The following GPC6 variants were observed in gnomAD, a reference collection of about 807,000 sequenced individuals.
The protein encoded by GPC6 is glypican-6.
Under a neutral mutation model 55.2 loss-of-function variants are expected in GPC6, and 14 were observed. The ratio of observed to expected loss-of-function variants is 0.25; its 90% CI spans 0.17 to 0.40. GPC6 has a LOEUF of 0.40. Among genes scored for constraint, GPC6 ranks in the 10% least tolerant of loss-of-function variants. GPC6 has a pLI of 1.00. For synonymous variants in GPC6, 278 were observed against 259.6 expected (o/e 1.07, Z -0.68); for missense variants, 641 against 708.5 (o/e 0.90, Z 1.08).
intron 4 of GPC6, among the ~76,000 whole-genome samples, chr13:94,155,489 C>T (rs1887900420): frequency 6.6e-6 from 1 of 152,110 alleles, no homozygotes; most frequent in Non-Finnish European, 1.5e-5. Context: ...CTTGCCTTCT[C>T]CTAAAATCGA....
chr13:94,054,802 T>TGTCA (rs1455562605), intron 4 of GPC6, among the ~76,000 whole-genome samples: 2 of 152,152 alleles, frequency 1.3e-5, no homozygotes, highest in African/African-American at 2.4e-5. Context: ...TATATTAATC[T>TGTCA]GTCAGTGTAA....
At chr13:94,278,746 T>C (rs1413959580) in intron 4 of GPC6, among the ~76,000 whole-genome samples, 1 of 152,180 alleles carries the variant, frequency 6.6e-6, no homozygotes, top group Non-Finnish European at 1.5e-5. Flanking sequence ...ATATATTGAT[T>C]TGTATATGTT....
chr13:93,484,515 C>T (rs1049223078), intron 1 of GPC6, among the ~76,000 whole-genome samples: 7 of 151,992 alleles, frequency 4.6e-5, no homozygotes, highest in African/African-American at 1.7e-4. Flanking sequence ...ATAATATATC[C>T]TTAAGTTTTT....
chr13:94,372,017 A>C (rs1879566873), intron 6 of GPC6, among the ~76,000 whole-genome samples: 1 of 152,132 alleles, frequency 6.6e-6, no homozygotes, highest in Non-Finnish European at 1.5e-5. Context: ...CTCCAAATCC[A>C]GGAGTCAGTT....
rs201331720 is a variant in GPC6 at position 93,789,509 on chromosome 13, C to CTATA, written c.320-40622_320-40619dup. Reference sequence around the variant, plus strand: ...TCTCTCTCTCTCTCTCTCTCTCTCTCTATATATATATATATATATATATAT... The same window carrying CTATA: ...TCTCTCTCTCTCTCTCTCTCTCTCTCTATATATATATATATATATATATATATAT... On this transcript the variant is annotated intron_variant, in intron 2 of 8. Transcript: ENST00000377047. Among the ~76,000 whole-genome samples the CTATA allele has an allele frequency of 2.3e-3, 212 of 93,440 alleles. 2 individuals carry two copies. Among genetic ancestry groups the CTATA allele is most frequent in the East Asian group, 0.013 (42 of 3,160 alleles). 61.3% of individuals were successfully genotyped at this position (93,440 alleles called of 152,430 possible).
intron 1 of GPC6, among the ~76,000 whole-genome samples, chr13:93,424,617 ATCATCATCATCT>A (rs1877052683): frequency 6.6e-6 from 1 of 152,010 alleles, no homozygotes; most frequent in African/African-American, 2.4e-5. Context: ...TATCATCATC[ATCATCATCATCT>A]TCATCATCAT....
At chr13:93,697,799 C>T (rs983839434) in intron 2 of GPC6, among the ~76,000 whole-genome samples, 1 of 152,136 alleles carries the variant, frequency 6.6e-6, no homozygotes, top group Non-Finnish European at 1.5e-5. Context: ...CTGTGCCATT[C>T]AAAAGAGAAT....
intron 3 of GPC6, among the ~76,000 whole-genome samples, chr13:93,869,230 A>C (rs1048124967): frequency 3.3e-5 from 5 of 151,862 alleles, no homozygotes; most frequent in African/African-American, 9.7e-5. Context: ...TAACTTCAAA[A>C]GGGAAAAACA....
At chr13:94,120,549 A>G (rs1886595913) in intron 4 of GPC6, among the ~76,000 whole-genome samples, 1 of 151,970 alleles carries the variant, frequency 6.6e-6, no homozygotes, top group South Asian at 2.1e-4. Context: ...TTCCCCTGAA[A>G]AGCTGGTATG....
intron 2 of GPC6, among the ~76,000 whole-genome samples, chr13:93,754,771 A>G (rs2138867692): frequency 1.3e-5 from 2 of 152,134 alleles, no homozygotes; most frequent in Admixed American, 1.3e-4. Flanking sequence ...TTGCATTCCT[A>G]TTTAGATTCT....
Position 94,406,179 on chromosome 13 carries a change from A to C in GPC6, c.*2962A>C, listed in dbSNP as rs1287161247. Reference sequence around the variant, plus strand: ...TAACTGCAAACACTTAGCTTATTGAAGTGCCTCTATTTACATGTTCTTTAG... The same window carrying C: ...TAACTGCAAACACTTAGCTTATTGACGTGCCTCTATTTACATGTTCTTTAG... On this transcript the variant is annotated 3_prime_UTR_variant, in exon 9 of 9. Coordinates refer to ENST00000377047, the MANE Select transcript of GPC6 (RefSeq NM_005708.5). The C allele has an allele frequency of 6.6e-6, 1 of 152,152 alleles. No homozygotes were observed. The highest frequency in any genetic ancestry group is 1.5e-5 in the Non-Finnish European group (1 of 67,988). The allele number at this position is 152,152 out of a possible 1,614,324, so 9.4% of individuals were successfully genotyped here. A position where few individuals can be genotyped will look rare whatever the true frequency, so the allele number is the denominator to read the frequency against.
intron 2 of GPC6, among the ~76,000 whole-genome samples, chr13:93,609,978 T>C (rs1224404809): frequency 6.6e-6 from 1 of 152,206 alleles, no homozygotes; most frequent in African/African-American, 2.4e-5. Flanking sequence ...CTGCCTTTTC[T>C]AATTACCTGT....
chr13:93,618,271 G>A (rs1400013786), intron 2 of GPC6, among the ~76,000 whole-genome samples: 1 of 151,984 alleles, frequency 6.6e-6, no homozygotes, highest in Non-Finnish European at 1.5e-5. Flanking sequence ...ATATATACAT[G>A]TGCAAGTATA....
At chr13:94,265,097 G>T (rs1404485918) in intron 4 of GPC6, among the ~76,000 whole-genome samples, 2 of 152,166 alleles carry the variant, frequency 1.3e-5, no homozygotes, top group Non-Finnish European at 2.9e-5. Context: ...ATATCAACTT[G>T]TTACTTTAGG....
chr13:93,702,013 G>A (rs1882685865), intron 2 of GPC6, among the ~76,000 whole-genome samples: 1 of 152,030 alleles, frequency 6.6e-6, no homozygotes, highest in Non-Finnish European at 1.5e-5. Flanking sequence ...ATAAATGTTT[G>A]TCATGGCATC....
intron 1 of GPC6, among the ~76,000 whole-genome samples, chr13:93,235,401 T>G (rs1876200437): frequency 6.6e-6 from 1 of 152,154 alleles, no homozygotes; most frequent in African/African-American, 2.4e-5. Flanking sequence ...TAGGTCATCA[T>G]CTCAGGTTCT....
At chr13:94,108,366 T>A (rs1315404453) in intron 4 of GPC6, among the ~76,000 whole-genome samples, 1 of 152,020 alleles carries the variant, frequency 6.6e-6, no homozygotes, top group Non-Finnish European at 1.5e-5. Flanking sequence ...AGAATGGACT[T>A]TGGGGACTCA....
At chr13:94,161,296 T>C (rs944615645) in intron 4 of GPC6, among the ~76,000 whole-genome samples, 3 of 152,232 alleles carry the variant, frequency 2.0e-5, no homozygotes, top group African/African-American at 7.2e-5. Flanking sequence ...CACTCTTCCT[T>C]CAAAGATAAG....
intron 6 of GPC6, among the ~76,000 whole-genome samples, chr13:94,379,931 T>C (rs4773788): frequency 0.86 from 131,403 of 152,208 alleles, 56,963 homozygotes; most frequent in African/African-American, 0.94. Flanking sequence ...CAAGAGGGCA[T>C]AGCGCAGCGC....
Sources: gnomAD v4.1 joint callset for allele counts (sites outside exome capture counted in the v4.1 genomes callset) on GRCh38, gnomAD v4.1.1 for gene constraint, MANE v1.5 for transcripts, NCBI Gene and HGNC (gene_info 2026-07-23, HGNC 2026-07-21) for gene names.